The following SDK1 variants were observed in gnomAD, a reference collection of about 807,000 sequenced individuals.
SDK1 encodes sidekick cell adhesion molecule 1, also known as protein sidekick-1.
A neutral mutation model predicts 245.5 loss-of-function variants in SDK1; 157 were observed. The ratio of observed to expected loss-of-function variants is 0.64; its 90% confidence interval spans 0.56 to 0.73. The LOEUF (loss-of-function observed/expected upper bound fraction) is 0.73, where lower values mean the gene tolerates loss of function less well. Ranked by LOEUF, SDK1 falls within the 30% of genes least tolerant of loss-of-function variation. The pLI is 0.00. For missense variants in SDK1, 3,583 were observed against 3,002.3 expected, an observed-to-expected ratio of 1.19 and a Z score of -4.52; for synonymous variants, 1,647 against 1,278.5, an observed-to-expected ratio of 1.29 and a Z score of -6.15.
intron 5 of SDK1, among the ~76,000 whole-genome samples, chr7:3,944,207 A>C (rs1233163377): frequency 1.3e-5 from 2 of 152,230 alleles, no homozygotes; most frequent in African/African-American, 2.4e-5. Flanking sequence ...TTTCTCTATC[A>C]CTTGAAACCA....
At chr7:3,620,484 G>C (rs1231432924) in intron 2 of SDK1, among the ~76,000 whole-genome samples, 1 of 151,968 alleles carries the variant, frequency 6.6e-6, no homozygotes, top group Non-Finnish European at 1.5e-5. Context: ...TGTATTTTTA[G>C]TAGAGATGGG....
chr7:3,552,273 C>T (rs1779443419), intron 1 of SDK1, among the ~76,000 whole-genome samples: 1 of 152,122 alleles, frequency 6.6e-6, no homozygotes, highest in Non-Finnish European at 1.5e-5. Context: ...GATCTCCTGA[C>T]CTTGTGATCC....
At chr7:3,955,994 G>C (rs886623854) in intron 7 of SDK1, among the ~76,000 whole-genome samples, 17 of 152,306 alleles carry the variant, frequency 1.1e-4, no homozygotes, top group African/African-American at 4.1e-4. Flanking sequence ...ATCTGAGCTG[G>C]CCTTTTCCTA....
intron 6 of SDK1, 97 bp from the exon 7 acceptor site, chr7:3,951,633 A>G (rs931232997): frequency 9.3e-7 from 1 of 1,072,672 alleles, no homozygotes; most frequent in Non-Finnish European, 1.4e-6. Context: ...CCCTGGTAGC[A>G]TTAGCTTCGT....
intron 14 of SDK1, among the ~76,000 whole-genome samples, chr7:3,991,480 A>G (rs984542083): frequency 6.6e-6 from 1 of 152,044 alleles, no homozygotes; most frequent in South Asian, 2.1e-4. Flanking sequence ...AAGACTGGGA[A>G]CCCCTTCAGG....
At chr7:3,306,280 C>G (rs1022058167) in intron 1 of SDK1, among the ~76,000 whole-genome samples, 2 of 152,184 alleles carry the variant, frequency 1.3e-5, no homozygotes, top group Admixed American at 6.5e-5. Context: ...ACATTCGTCT[C>G]CTCTAAGAAA....
At chr7:3,899,413 G>A (rs1044671056) in intron 5 of SDK1, among the ~76,000 whole-genome samples, 1 of 152,210 alleles carries the variant, frequency 6.6e-6, no homozygotes, top group Non-Finnish European at 1.5e-5. Flanking sequence ...TGTCTACCAC[G>A]TGAGATGCAA....
chr7:3,540,668 T>G (rs891070976), intron 1 of SDK1, among the ~76,000 whole-genome samples: 2 of 152,180 alleles, frequency 1.3e-5, no homozygotes, highest in Non-Finnish European at 2.9e-5. Context: ...GCAGCTATTT[T>G]GGGTCTGACA....
At chr7:3,310,154 G>C (rs1406470948) in intron 1 of SDK1, among the ~76,000 whole-genome samples, 2 of 152,168 alleles carry the variant, frequency 1.3e-5, no homozygotes, top group African/African-American at 2.4e-5. Flanking sequence ...ACTGGAAATT[G>C]CTTTCTTTTT....
chr7:4,101,149 ATT>A (rs376555352), intron 22 of SDK1, among the ~76,000 whole-genome samples: 22 of 137,656 alleles, frequency 1.6e-4, no homozygotes, highest in African/African-American at 4.8e-4. Flanking sequence ...GGACACTTGC[ATT>A]TTTTTTTTTT....
chr7:3,761,631 GC>G (rs1203729510), intron 4 of SDK1, among the ~76,000 whole-genome samples: 1 of 151,458 alleles, frequency 6.6e-6, no homozygotes, highest in African/African-American at 2.4e-5. Flanking sequence ...ATAGGAAGAA[GC>G]AAAGGCAGAA....
At chr7:3,432,117 A>AC (rs1227772909) in intron 1 of SDK1, among the ~76,000 whole-genome samples, 2 of 94,872 alleles carry the variant, frequency 2.1e-5, no homozygotes, top group Non-Finnish European at 4.8e-5. Flanking sequence ...TGCAGTAAAA[A>AC]AAAAAAAATA....
chr7:3,661,418 C>G (rs185172493), intron 4 of SDK1, among the ~76,000 whole-genome samples: 128 of 152,304 alleles, frequency 8.4e-4, no homozygotes, highest in African/African-American at 3.0e-3. Context: ...GTTGGCTTAT[C>G]TCTGATCCTC....
chr7:4,025,294 G>A (rs535465930), intron 17 of SDK1, among the ~76,000 whole-genome samples: 1 of 152,340 alleles, frequency 6.6e-6, no homozygotes, highest in Admixed American at 6.5e-5. Context: ...CCGAACAGAG[G>A]ATTCATCAGG....
At chr7:3,475,777 C>G (rs1781331698) in intron 1 of SDK1, among the ~76,000 whole-genome samples, 1 of 152,114 alleles carries the variant, frequency 6.6e-6, no homozygotes, top group African/African-American at 2.4e-5. Flanking sequence ...ACAAGACAGT[C>G]TTCCACAGAT....
At chr7:4,150,140 G>A (rs188547463) in intron 30 of SDK1, among the ~76,000 whole-genome samples, 1 of 152,112 alleles carries the variant, frequency 6.6e-6, no homozygotes, top group African/African-American at 2.4e-5. Flanking sequence ...CAGTCACACA[G>A]ATGGGCATCC....
intron 4 of SDK1, among the ~76,000 whole-genome samples, chr7:3,668,932 C>T (rs1041826771): frequency 1.6e-4 from 24 of 152,146 alleles, no homozygotes; most frequent in Admixed American, 1.4e-3. Flanking sequence ...TAGACCTGTC[C>T]CTGTGTGACG....
rs747362513 is a variant in SDK1 at position 4,129,920 on chromosome 7, G to A, written c.3952G>A (p.Ala1318Thr). ...LILGYKILFRAKDLDPEPRSH... is the reference protein window; with the variant it reads ...LILGYKILFRTKDLDPEPRSH... The stretch of plus-strand genomic sequence containing the variant: ...GTCGATACCACAGATCCTGTTCCGG[G>A]CCAAAGACCTGGATCCCGAGCCCAG... Residue 1318 changes from alanine (A) to threonine (T), a missense_variant, in exon 27 of 45, where the codon GCC becomes ACC. Coordinates refer to ENST00000404826, the MANE Select transcript of SDK1 (RefSeq NM_152744.4). 1 of 1,613,592 alleles carries A rather than the reference G, an allele frequency of 6.2e-7. No individual in the cohort carries two copies. Among genetic ancestry groups the A allele is most frequent in the Non-Finnish European group, 8.5e-7 (1 of 1,179,894 alleles).
intron 4 of SDK1, among the ~76,000 whole-genome samples, chr7:3,776,441 C>T (rs1780564662): frequency 6.6e-6 from 1 of 152,322 alleles, no homozygotes; most frequent in East Asian, 1.9e-4. Context: ...ATGCAGATTT[C>T]TCAATCACAT....
Sources: allele counts gnomAD v4.1 joint callset (sites outside exome capture counted in the v4.1 genomes callset), GRCh38; gene constraint gnomAD v4.1.1; transcripts MANE v1.5; gene names NCBI Gene and HGNC (gene_info 2026-07-23, HGNC 2026-07-21).